RHOT1: variants seen among roughly 807,000 people sequenced by gnomAD.
RHOT1 encodes mitochondrial Rho GTPase 1.
Under a neutral mutation model 95.3 loss-of-function variants are expected in RHOT1, and 27 were observed. The observed-to-expected ratio is 0.28, with a 90% CI of 0.21 to 0.39. The LOEUF is 0.39. Among genes scored for constraint, RHOT1 ranks in the 10% least tolerant of loss-of-function variants. RHOT1 has a pLI of 1.00. For synonymous variants in RHOT1, 227 were observed against 263.5 expected (o/e 0.86, Z 1.34); for missense variants, 578 against 786.7 (o/e 0.73, Z 3.17).
In RHOT1 at chr17:32,203,931, G is replaced by A. The variant is rs754819725; in HGVS notation, c.1374G>A (p.Ala458=). Residue 458 remains alanine (A), a synonymous_variant, in exon 16 of 20, where the codon GCG becomes GCA. Coordinates refer to ENST00000545287, the MANE Select transcript of RHOT1 (RefSeq NM_001033566.3). The part of the protein sequence containing the change: ...KIREDHKSYY[A]INTVYVYGQE... ...GTGAAGATCATAAATCCTACTATGC[G>A]ATTAACACTGTTTATGTATATGGAC... The A allele has an allele frequency of 1.7e-5, 28 of 1,612,690 alleles. No homozygotes were observed. The highest frequency in any genetic ancestry group is 1.6e-4 in the Middle Eastern group (1 of 6,078).
At chr17:32,157,044 G>A (rs1372650326) in intron 1 of RHOT1, among the ~76,000 whole-genome samples, 1 of 152,224 alleles carries the variant, frequency 6.6e-6, no homozygotes, top group Non-Finnish European at 1.5e-5. Context: ...CCAATTCTGT[G>A]TAGTTCCAAA....
At chr17:32,163,744 G>A (rs1170472966) in intron 1 of RHOT1, among the ~76,000 whole-genome samples, 18 of 150,706 alleles carry the variant, frequency 1.2e-4, no homozygotes, top group Admixed American at 1.2e-3. Flanking sequence ...AAAAAGAAAG[G>A]GAAAAAAAAA....
chr17:32,224,683 T>G lies in RHOT1; in HGVS notation c.1930T>G (p.Phe644Val), dbSNP rs1240491796. Reference protein sequence around the residue: ...WLRASFGATVFAVLGFAMYKA... With the variant: ...WLRASFGATVVAVLGFAMYKA... ...TCGAGCAAGTTTTGGTGCTACTGTT[T>G]TTGCAGTTTTGGGCTTTGCTATGTA... The change falls in exon 20 of 20, where the codon TTT becomes GTT. Residue 644 changes from phenylalanine to valine, a missense_variant. By Grantham distance (50) the Phe-to-Val change is conservative. This residue lies in a region of RHOT1 where 296 missense variants were observed against 338.5 expected (regional missense o/e 0.87). Coordinates refer to ENST00000545287, the MANE Select transcript of RHOT1 (RefSeq NM_001033566.3). 3 of 1,613,716 alleles carry G rather than the reference T, an allele frequency of 1.9e-6. No individual in the cohort carries two copies. Among genetic ancestry groups the G allele is most frequent in the Non-Finnish European group, 2.5e-6 (3 of 1,179,740 alleles).
intron 1 of RHOT1, among the ~76,000 whole-genome samples, chr17:32,163,889 G>T (rs1282086396): frequency 1.3e-5 from 2 of 152,022 alleles, no homozygotes; most frequent in Non-Finnish European, 1.5e-5. Flanking sequence ...AGGCGTGGTG[G>T]CTCACCCCTG....
At chr17:32,151,491 C>T in intron 1 of RHOT1, 1 of 608,618 alleles carries the variant, frequency 1.6e-6, no homozygotes, top group Non-Finnish European at 2.9e-6. Flanking sequence ...TTCTCTGGGG[C>T]CATTCTGTTC....
chr17:32,175,935 C>G, intron 4 of RHOT1, 27 bp from the exon 5 acceptor site: 1 of 1,448,948 alleles, frequency 6.9e-7, no homozygotes, highest in Non-Finnish European at 9.3e-7. Context: ...TTTTTAGATA[C>G]GATTAATTTG....
chr17:32,167,328 ATTT>A (rs34426273), intron 1 of RHOT1, among the ~76,000 whole-genome samples: 1 of 144,140 alleles, frequency 6.9e-6, no homozygotes, highest in African/African-American at 2.5e-5. Context: ...ATTGAGCATA[ATTT>A]TTTTTTTTTT....
intron 1 of RHOT1, among the ~76,000 whole-genome samples, chr17:32,163,575 A>T (rs183660611): frequency 6.6e-6 from 1 of 152,158 alleles, no homozygotes; most frequent in East Asian, 1.9e-4. Flanking sequence ...TACTAAAAAT[A>T]CAAAAATTAG....
At chr17:32,164,467 C>T (rs2142471198) in intron 1 of RHOT1, among the ~76,000 whole-genome samples, 1 of 152,060 alleles carries the variant, frequency 6.6e-6, no homozygotes, top group South Asian at 2.1e-4. Context: ...CTCTTGACCT[C>T]ATGATCCGCC....
At chr17:32,171,893 A>T (rs987686307) in intron 2 of RHOT1, among the ~76,000 whole-genome samples, 1 of 152,252 alleles carries the variant, frequency 6.6e-6, no homozygotes, top group African/African-American at 2.4e-5. Flanking sequence ...ATAGCAGGGA[A>T]GTGCCACCAA....
chr17:32,168,376 C>T (rs539011551), intron 1 of RHOT1, among the ~76,000 whole-genome samples: 2 of 152,126 alleles, frequency 1.3e-5, no homozygotes, highest in East Asian at 3.9e-4. Flanking sequence ...CTCAAGCAGT[C>T]CTCCTGCCTC....
Position 32,170,930 on chromosome 17 carries a change from T to G in RHOT1, c.38-113T>G, listed in dbSNP as rs9903537. 0.011 allele frequency: 6,851 copies of G among 606,568 alleles called. 387 individuals are homozygous for G. The African/African-American group carries it at 0.12, about 11-fold the overall frequency. The allele number at this position is 606,568 out of a possible 1,614,324, so 37.6% of individuals were successfully genotyped here. ...TAAGTATTATACTAAAACTTAATAA[T>G]TTGGATGCCTTAGATTTTAGCTAAT... On this transcript the variant is annotated intron_variant, in intron 1 of 19. Coordinates refer to ENST00000545287, the MANE Select transcript of RHOT1 (RefSeq NM_001033566.3).
At chr17:32,196,242 G>A (rs1398678842) in intron 11 of RHOT1, among the ~76,000 whole-genome samples, 1 of 148,816 alleles carries the variant, frequency 6.7e-6, no homozygotes, top group African/African-American at 2.5e-5. Context: ...CTAGAATGCA[G>A]TGGTGTGACA....
intron 1 of RHOT1, among the ~76,000 whole-genome samples, chr17:32,143,419 G>A (rs1332193798): frequency 1.3e-5 from 2 of 152,170 alleles, no homozygotes; most frequent in Middle Eastern, 3.2e-3. Flanking sequence ...TCAACTTCGA[G>A]TTATGCAAGC....
intron 1 of RHOT1, among the ~76,000 whole-genome samples, chr17:32,170,493 A>T (rs184697463): frequency 6.6e-6 from 1 of 150,964 alleles, no homozygotes; most frequent in Admixed American, 6.6e-5. Flanking sequence ...GTTAAAATAC[A>T]TGTAACAATT....
At chr17:32,203,748 C>T (rs117646172) in intron 15 of RHOT1, 142 bp from the exon 16 acceptor site, 2 of 578,400 alleles carry the variant, frequency 3.5e-6, no homozygotes, top group East Asian at 6.5e-5. Flanking sequence ...AAATCAATAT[C>T]TCCTTTGTAC....
chr17:32,182,289 G>A (rs1378005874), intron 6 of RHOT1, among the ~76,000 whole-genome samples: 1 of 151,906 alleles, frequency 6.6e-6, no homozygotes, highest in Non-Finnish European at 1.5e-5. Context: ...ACTAGCCTAG[G>A]CAATATAGCT....
intron 1 of RHOT1, among the ~76,000 whole-genome samples, chr17:32,167,465 T>G (rs2034191254): frequency 6.6e-6 from 1 of 152,132 alleles, no homozygotes; most frequent in Admixed American, 6.6e-5. Context: ...TAGCTGGGAC[T>G]ACAGGCACCC....
chr17:32,214,702 A>G (rs1407551590), intron 19 of RHOT1, among the ~76,000 whole-genome samples: 1 of 152,052 alleles, frequency 6.6e-6, no homozygotes, highest in East Asian at 1.9e-4. Flanking sequence ...CCTGTGTTAG[A>G]CATATCCTAA....
Sources: gnomAD v4.1 joint callset for allele counts (sites outside exome capture counted in the v4.1 genomes callset) on GRCh38, gnomAD v4.1.1 for gene constraint, gnomAD v4.1.1 regional missense constraint, MANE v1.5 for transcripts, NCBI Gene and HGNC (gene_info 2026-07-23, HGNC 2026-07-21) for gene names.